The following MGMT variants were observed in gnomAD, a reference collection of about 807,000 sequenced individuals.
MGMT encodes O-6-methylguanine-DNA methyltransferase.
In MGMT, 14 loss-of-function variants were observed where a neutral mutation model predicts 15.9. The observed-to-expected ratio is 0.88, with a 90% CI of 0.58 to 1.37. The LOEUF is 1.37. MGMT is among the 40% of genes most tolerant of loss of function. MGMT has a pLI of 0.00. For missense variants in MGMT, 282 were observed against 268.1 expected, an observed-to-expected ratio of 1.05 and a Z score of -0.36; for synonymous variants, 130 against 118.2, an observed-to-expected ratio of 1.10 and a Z score of -0.65.
At chr10:129,468,834 G>A (rs557957193) in intron 1 of MGMT, among the ~76,000 whole-genome samples, 22 of 152,226 alleles carry the variant, frequency 1.4e-4, no homozygotes, top group Non-Finnish European at 2.6e-4. Context: ...GCAGTGAGCC[G>A]AGATTGCGCC....
At chr10:129,731,127 T>C (rs1343763845) in intron 3 of MGMT, among the ~76,000 whole-genome samples, 2 of 152,076 alleles carry the variant, frequency 1.3e-5, no homozygotes, top group African/African-American at 4.8e-5. Context: ...CCAGGTGAGC[T>C]CTGAGGTCGT....
At chr10:129,720,782 C>A (rs148298476) in intron 3 of MGMT, among the ~76,000 whole-genome samples, 1 of 152,150 alleles carries the variant, frequency 6.6e-6, no homozygotes, top group Non-Finnish European at 1.5e-5. Flanking sequence ...AAAATGTCAA[C>A]CCATTTTCAG....
rs536418379 is a variant in MGMT at position 129,688,347 on chromosome 10, C to T, written c.126-19548C>T. ...TCCTATTTCTCCACATCCTCTCCAG[C>T]ACCTGTTGTTTCCTGGCTTTTTAAT... On this transcript the variant is annotated intron_variant, in intron 2 of 4. Transcript: ENST00000651593. Among the ~76,000 whole-genome samples the T allele has an allele frequency of 4.0e-3, 608 of 152,324 alleles. 2 individuals carry two copies. The highest frequency in any genetic ancestry group is 0.014 in the African/African-American group (564 of 41,558).
chr10:129,655,667 A>G (rs946838284), intron 2 of MGMT, among the ~76,000 whole-genome samples: 4 of 152,186 alleles, frequency 2.6e-5, no homozygotes, highest in Admixed American at 2.6e-4. Context: ...GGAGAAAAAT[A>G]TAAATGAAAA....
At chr10:129,758,542 T>C (rs769700534) in intron 3 of MGMT, among the ~76,000 whole-genome samples, 4 of 152,122 alleles carry the variant, frequency 2.6e-5, no homozygotes, top group Non-Finnish European at 4.4e-5. Context: ...AGTCACCTCC[T>C]CATTCCTGCA....
chr10:129,699,198 G>A (rs1360424515), intron 2 of MGMT, among the ~76,000 whole-genome samples: 1 of 151,938 alleles, frequency 6.6e-6, no homozygotes, highest in Admixed American at 6.6e-5. Context: ...GGCTTTTTAA[G>A]GCTTTCTGAT....
At chr10:129,723,552 ATAAAT>A (rs1355737401) in intron 3 of MGMT, among the ~76,000 whole-genome samples, 5 of 152,322 alleles carry the variant, frequency 3.3e-5, no homozygotes, top group African/African-American at 7.2e-5. Flanking sequence ...GAAATTATTA[ATAAAT>A]TAAACTTTAT....
At chr10:129,706,326 G>C (rs1848161832) in intron 2 of MGMT, among the ~76,000 whole-genome samples, 1 of 152,234 alleles carries the variant, frequency 6.6e-6, no homozygotes, top group Admixed American at 6.5e-5. Context: ...TCGGCCGCCT[G>C]TGCTGGGCCA....
intron 3 of MGMT, among the ~76,000 whole-genome samples, chr10:129,758,691 C>T (rs1437785837): frequency 6.6e-6 from 1 of 152,224 alleles, no homozygotes; most frequent in Admixed American, 6.5e-5. Flanking sequence ...TGGTGCTTGG[C>T]ACTCCGAGCA....
At chr10:129,667,704 A>G (rs139844048) in intron 2 of MGMT, among the ~76,000 whole-genome samples, 3 of 152,352 alleles carry the variant, frequency 2.0e-5, no homozygotes, top group Non-Finnish European at 4.4e-5. Context: ...GTGATTAAAC[A>G]TCAGATTAGC....
At chr10:129,735,296 T>C (rs1231117431) in intron 3 of MGMT, among the ~76,000 whole-genome samples, 3 of 152,192 alleles carry the variant, frequency 2.0e-5, no homozygotes, top group African/African-American at 7.2e-5. Context: ...TGGGAGAGTG[T>C]ATGTGTCAAG....
chr10:129,548,643 T>G (rs948230360), intron 2 of MGMT, among the ~76,000 whole-genome samples: 6 of 152,236 alleles, frequency 3.9e-5, no homozygotes, highest in Non-Finnish European at 8.8e-5. Flanking sequence ...AGCCCCCTTG[T>G]TGGCTGGTCC....
intron 2 of MGMT, among the ~76,000 whole-genome samples, chr10:129,669,120 T>C (rs537584297): frequency 6.6e-6 from 1 of 152,224 alleles, no homozygotes; most frequent in Admixed American, 6.5e-5. Flanking sequence ...TACATTTCCA[T>C]AGAAGATTTA....
intron 3 of MGMT, among the ~76,000 whole-genome samples, chr10:129,708,246 G>A (rs1346952976): frequency 6.6e-6 from 1 of 152,216 alleles, no homozygotes; most frequent in East Asian, 1.9e-4. Flanking sequence ...GCACAGGGTT[G>A]CATAATTCTT....
intron 2 of MGMT, among the ~76,000 whole-genome samples, chr10:129,624,696 C>T (rs1847126840): frequency 6.6e-6 from 1 of 152,088 alleles, no homozygotes; most frequent in Admixed American, 6.5e-5. Context: ...GTCAGCATGC[C>T]CAGTGCGGCG....
chr10:129,615,870 G>T (rs1847019566), intron 2 of MGMT, among the ~76,000 whole-genome samples: 1 of 152,182 alleles, frequency 6.6e-6, no homozygotes, highest in Non-Finnish European at 1.5e-5. Context: ...CCACGGCAGG[G>T]GGTGTGGCAG....
At chr10:129,616,872 C>T (rs927372752) in intron 2 of MGMT, among the ~76,000 whole-genome samples, 3 of 152,080 alleles carry the variant, frequency 2.0e-5, no homozygotes, top group Non-Finnish European at 4.4e-5. Context: ...CCTCCTCCCC[C>T]GAGGAGGTGG....
At chr10:129,745,328 AC>A (rs1848681806) in intron 3 of MGMT, among the ~76,000 whole-genome samples, 1 of 151,500 alleles carries the variant, frequency 6.6e-6, no homozygotes, top group African/African-American at 2.4e-5. Flanking sequence ...TTCTGTAACC[AC>A]CCCCAAAATC....
chr10:129,741,429 C>T (rs751515725), intron 3 of MGMT, among the ~76,000 whole-genome samples: 1 of 152,212 alleles, frequency 6.6e-6, no homozygotes, highest in Non-Finnish European at 1.5e-5. Context: ...GCGTGCAGCC[C>T]ATCCCTGAGG....
Sources: allele counts gnomAD v4.1 joint callset (sites outside exome capture counted in the v4.1 genomes callset), GRCh38; gene constraint gnomAD v4.1.1; transcripts MANE v1.5; gene names NCBI Gene and HGNC (gene_info 2026-07-23, HGNC 2026-07-21).